PURA: variants seen among roughly 807,000 people sequenced by gnomAD.
PURA encodes the protein transcriptional activator protein Pur-alpha.
In PURA, 2 loss-of-function variants were observed where a neutral mutation model predicts 23.1. The observed-to-expected ratio is 0.09, with a 90% CI of 0.04 to 0.27. PURA has a LOEUF of 0.27. Ranked by LOEUF, PURA falls within the 10% of genes least tolerant of loss-of-function variation. PURA has a pLI of 1.00. For missense variants in PURA, 187 were observed against 449.7 expected, an observed-to-expected ratio of 0.42 and a Z score of 5.28; for synonymous variants, 254 against 205.9, an observed-to-expected ratio of 1.23 and a Z score of -2.00.
rs1409334338 is a variant in PURA, at chr5:140,118,764, G to A, written c.*3614G>A. 1.8e-5 allele frequency: 3 copies of A among 166,944 alleles called. No homozygotes were observed. Among genetic ancestry groups the A allele is most frequent in the Non-Finnish European group, 4.4e-5 (3 of 68,036 alleles). 10.3% of individuals were successfully genotyped at this position (166,944 alleles called of 1,614,324 possible). A position where few individuals can be genotyped will look rare whatever the true frequency, so the allele number is the denominator to read the frequency against. ...AAAACCTTGAAAGTCTCACTTTCTA[G>A]TTGTCCCATGCAGGGGTTGAAATTT... On this transcript the variant is annotated 3_prime_UTR_variant, in exon 1 of 1. Coordinates refer to ENST00000331327, the MANE Select transcript of PURA (RefSeq NM_005859.5).
In PURA at chr5:140,120,202, A is replaced by C. The variant is rs1487888458; in HGVS notation, c.*5052A>C. The stretch of plus-strand genomic sequence containing the variant: ...GAATATCTTCATAATTTGGAGAGAG[A>C]TGTATACACACACATACACATATAT... On this transcript the variant is annotated 3_prime_UTR_variant, in exon 1 of 1. Transcript: ENST00000331327. The C allele has an allele frequency of 1.8e-5, 3 of 166,780 alleles. No individual in the cohort carries two copies. The highest frequency in any genetic ancestry group is 7.2e-5 in the African/African-American group (3 of 41,432). The allele number at this position is 166,780 out of a possible 1,614,324, so 10.3% of individuals were successfully genotyped here.
rs1326548980 is a variant in PURA at position 140,125,561 on chromosome 5, C to A, written c.*10411C>A. The A allele has an allele frequency of 6.0e-6, 1 of 166,980 alleles. No homozygotes were observed. The highest frequency in any genetic ancestry group is 2.4e-5 in the African/African-American group (1 of 41,408). 10.3% of individuals were successfully genotyped at this position (166,980 alleles called of 1,614,324 possible). On this transcript the variant is annotated 3_prime_UTR_variant, in exon 1 of 1. Coordinates refer to ENST00000331327, the MANE Select transcript of PURA (RefSeq NM_005859.5). ...GGGTTAGCCATTATCTTAACCCCTTCCTCACCAAAAGATTTTAGTTTTGTC... is the reference window on the plus strand; with the variant it reads ...GGGTTAGCCATTATCTTAACCCCTTACTCACCAAAAGATTTTAGTTTTGTC...
At position 140,114,170 on chromosome 5, in the gene PURA, G is replaced by T; in HGVS notation, c.-12G>T. 1.4e-6 allele frequency: 1 copy of T among 692,212 alleles called. No individual in the cohort carries two copies. Among genetic ancestry groups the T allele is most frequent in the East Asian group, 4.0e-5 (1 of 25,182 alleles). The allele number at this position is 692,212 out of a possible 1,614,324, so 42.9% of individuals were successfully genotyped here. The stretch of plus-strand genomic sequence containing the variant: ...GGCAGGCGGCGGCGGCGCGGCAGCG[G>T]AGCGCAGCATCATGGCGGACCGAGA... On this transcript the variant is annotated 5_prime_UTR_variant, in exon 1 of 1. Transcript: ENST00000331327.
In PURA at chr5:140,114,886, G is replaced by T. The variant is rs1362659842; in HGVS notation, c.705G>T (p.Val235=). The change falls in exon 1 of 1, where the codon GTG becomes GTT. Residue 235 remains valine (V), a synonymous_variant. Coordinates refer to ENST00000331327, the MANE Select transcript of PURA (RefSeq NM_005859.5). The part of the protein sequence containing the change: ...TVDNKRFFFD[V]GSNKYGVFMR... ...ACAACAAGCGCTTCTTCTTCGATGT[G>T]GGCTCCAACAAGTACGGCGTGTTTA... The T allele has an allele frequency of 1.2e-6, 2 of 1,614,114 alleles. No individual in the cohort carries two copies. The highest frequency in any genetic ancestry group is 4.5e-5 in the East Asian group (2 of 44,898).
At position 140,114,799 on chromosome 5, in the gene PURA, C is replaced by A. The variant is rs372391881; in HGVS notation, c.618C>A (p.Ile206=). 1 of 1,613,886 alleles carries A rather than the reference C, an allele frequency of 6.2e-7. No homozygotes were observed. The highest frequency in any genetic ancestry group is 8.5e-7 in the Non-Finnish European group (1 of 1,179,850). The change falls in exon 1 of 1, where the codon ATC becomes ATA. Residue 206 remains isoleucine, a synonymous_variant. Coordinates refer to ENST00000331327, the MANE Select transcript of PURA (RefSeq NM_005859.5). The part of the protein sequence containing the change: ...IEFRDALAKL[I]DDYGVEEEPA... The stretch of plus-strand genomic sequence containing the variant: ...TCCGTGACGCTCTGGCCAAGCTCAT[C>A]GACGACTACGGAGTGGAGGAGGAGC...
Position 140,118,535 on chromosome 5 carries a change from T to G in PURA, c.*3385T>G, listed in dbSNP as rs1042658979. 6.0e-6 allele frequency: 1 copy of G among 166,990 alleles called. No individual in the cohort carries two copies. The highest frequency in any genetic ancestry group is 1.5e-5 in the Non-Finnish European group (1 of 68,060). 10.3% of individuals were successfully genotyped at this position (166,990 alleles called of 1,614,324 possible). ...GGAGCTAAAGTTAACTAACCAGAAC[T>G]GTAGAAATCATTATACATGCCTTTG... On this transcript the variant is annotated 3_prime_UTR_variant, in exon 1 of 1. Coordinates refer to ENST00000331327, the MANE Select transcript of PURA (RefSeq NM_005859.5).
chr5:140,120,327 A>G lies in PURA; in HGVS notation c.*5177A>G, dbSNP rs1436875307. The G allele has an allele frequency of 1.8e-5, 3 of 166,874 alleles. No individual in the cohort carries two copies. Among genetic ancestry groups the G allele is most frequent in the African/African-American group, 7.2e-5 (3 of 41,448 alleles). The allele number at this position is 166,874 out of a possible 1,614,324, so 10.3% of individuals were successfully genotyped here. A position where few individuals can be genotyped will look rare whatever the true frequency, so the allele number is the denominator to read the frequency against. ...GATAATTTATTGGAATTGCTTACATAGATAAATTCACCAAAGTTATTTGTG... is the reference window on the plus strand; with the variant it reads ...GATAATTTATTGGAATTGCTTACATGGATAAATTCACCAAAGTTATTTGTG... On this transcript the variant is annotated 3_prime_UTR_variant, in exon 1 of 1. Transcript: ENST00000331327.
At position 140,114,281 on chromosome 5, in the gene PURA, G is replaced by A. The variant is rs1763036938; in HGVS notation, c.100G>A (p.Gly34Ser). ...CTCGGGCTCAGGCTCCGGCGGGGGC[G>A]GTGGTGGCGGCGGGGGCGGCGGCGG... ...PGSGSGSGGG[G>S]GGGGGGGGSG... The change falls in exon 1 of 1, where the codon GGT becomes AGT. Residue 34 changes from glycine (G) to serine (S), a missense_variant. By Grantham distance (56) the Gly-to-Ser change is moderately conservative. Transcript: ENST00000331327. 4 of 1,235,404 alleles carry A rather than the reference G, an allele frequency of 3.2e-6. No individual in the cohort carries two copies. Among genetic ancestry groups the A allele is most frequent in the Middle Eastern group, 3.0e-4 (1 of 3,290 alleles). The allele number at this position is 1,235,404 out of a possible 1,614,324, so 76.5% of individuals were successfully genotyped here.
Position 140,123,439 on chromosome 5 carries a change from T to G in PURA, c.*8289T>G, listed in dbSNP as rs2126753112. On this transcript the variant is annotated 3_prime_UTR_variant, in exon 1 of 1. Coordinates refer to ENST00000331327, the MANE Select transcript of PURA (RefSeq NM_005859.5). ...TGCACTATTTATCTTTGCACTTGAT[T>G]TTTTGAAAGTTAAGGCTAGTCACTT... is the stretch of plus-strand genomic sequence containing the variant. The G allele has an allele frequency of 6.0e-6, 1 of 167,136 alleles. No homozygotes were observed. The highest frequency in any genetic ancestry group is 2.1e-4 in the South Asian group (1 of 4,828). The allele number at this position is 167,136 out of a possible 1,614,324, so 10.4% of individuals were successfully genotyped here.
rs777445986 is a variant in PURA at position 140,122,031 on chromosome 5, A to G, written c.*6881A>G. ...GTTGATCTTCACTAAGGAAGTTTCAATAAAGCCAGAGAAAATGGGTCCCTC... is the reference window on the plus strand; with the variant it reads ...GTTGATCTTCACTAAGGAAGTTTCAGTAAAGCCAGAGAAAATGGGTCCCTC... On this transcript the variant is annotated 3_prime_UTR_variant, in exon 1 of 1. Coordinates refer to ENST00000331327, the MANE Select transcript of PURA (RefSeq NM_005859.5). 2.4e-5 allele frequency: 4 copies of G among 166,864 alleles called. No homozygotes were observed. The highest frequency in any genetic ancestry group is 5.9e-5 in the Non-Finnish European group (4 of 68,014). 10.3% of individuals were successfully genotyped at this position (166,864 alleles called of 1,614,324 possible).
rs192403370 is a variant in PURA, at chr5:140,116,576, T to C, written c.*1426T>C. On this transcript the variant is annotated 3_prime_UTR_variant, in exon 1 of 1. Transcript: ENST00000331327. ...AAATGCAAAGTTTAGGAGAGCACTT[T>C]ACCAAGCTGGTGTCCTCCAAACTGA... 6.1e-6 allele frequency: 1 copy of C among 163,680 alleles called. No individual in the cohort carries two copies. Among genetic ancestry groups the C allele is most frequent in the East Asian group, 1.9e-4 (1 of 5,194 alleles). The allele number at this position is 163,680 out of a possible 1,614,324, so 10.1% of individuals were successfully genotyped here. A position where few individuals can be genotyped will look rare whatever the true frequency, so the allele number is the denominator to read the frequency against.
rs1176037840 is a variant in PURA at position 140,120,031 on chromosome 5, C to A, written c.*4881C>A. 1 of 166,602 alleles carries A rather than the reference C, an allele frequency of 6.0e-6. No individual in the cohort carries two copies. The highest frequency in any genetic ancestry group is 1.5e-5 in the Non-Finnish European group (1 of 67,894). 10.3% of individuals were successfully genotyped at this position (166,602 alleles called of 1,614,324 possible). A position where few individuals can be genotyped will look rare whatever the true frequency, so the allele number is the denominator to read the frequency against. ...GATACCAAGTCTAATGACTTTTTTC[C>A]CTTTTTAAAATCTTTTGAGTATCAG... On this transcript the variant is annotated 3_prime_UTR_variant, in exon 1 of 1. Coordinates refer to ENST00000331327, the MANE Select transcript of PURA (RefSeq NM_005859.5).
Position 140,115,216 on chromosome 5 carries a change from G to A in PURA, c.*66G>A. 3.2e-5 allele frequency: 26 copies of A among 813,506 alleles called. No individual in the cohort carries two copies. The highest frequency in any genetic ancestry group is 3.5e-4 in the Middle Eastern group (1 of 2,894). 50.4% of individuals were successfully genotyped at this position (813,506 alleles called of 1,614,324 possible). On this transcript the variant is annotated 3_prime_UTR_variant, in exon 1 of 1. Transcript: ENST00000331327. The surrounding 1 kb of genome is among the most constrained non-coding windows in gnomAD (Gnocchi z 4.1). ...ACACACACACACAGCCACACACACA[G>A]AAAATATACTGTAAAGAAAGAGAGA...
In PURA at chr5:140,114,249, A is replaced by T; in HGVS notation, c.68A>T (p.His23Leu). 9 of 1,184,026 alleles carry T rather than the reference A, an allele frequency of 7.6e-6. No individual in the cohort carries two copies. Among genetic ancestry groups the T allele is most frequent in the Non-Finnish European group, 9.3e-6 (9 of 963,712 alleles). The allele number at this position is 1,184,026 out of a possible 1,614,324, so 73.3% of individuals were successfully genotyped here. Residue 23 changes from histidine to leucine, a missense_variant, in exon 1 of 1, where the codon CAC (histidine) becomes CTC (leucine). Around this residue, in one of 9 missense-constraint regions of PURA, gnomAD observed 33 missense variants for 30.4 expected, o/e 1.08. Transcript: ENST00000331327. ...CTGGGTTCGGGCGGCTCCCTGGGGC[A>T]CCCCGGCTCGGGCTCAGGCTCCGGC... Reference protein sequence around the residue: ...AALGSGGSLGHPGSGSGSGGG... With the variant: ...AALGSGGSLGLPGSGSGSGGG...
In PURA at chr5:140,125,319, T is replaced by C. The variant is rs1763200382; in HGVS notation, c.*10169T>C. 1 of 167,002 alleles carries C rather than the reference T, an allele frequency of 6.0e-6. No individual in the cohort carries two copies. The highest frequency in any genetic ancestry group is 1.5e-5 in the Non-Finnish European group (1 of 68,096). The allele number at this position is 167,002 out of a possible 1,614,324, so 10.3% of individuals were successfully genotyped here. ...CTTTCATATTGGAATTATTGTTAGATGGTGGCCCCTACTAGCAAAATGTGA... is the reference window on the plus strand; with the variant it reads ...CTTTCATATTGGAATTATTGTTAGACGGTGGCCCCTACTAGCAAAATGTGA... On this transcript the variant is annotated 3_prime_UTR_variant, in exon 1 of 1. Transcript: ENST00000331327.
In PURA at chr5:140,115,099, C is replaced by G. The variant is rs887978824; in HGVS notation, c.918C>G (p.Thr306=). 1.9e-6 allele frequency: 3 copies of G among 1,609,132 alleles called. No individual in the cohort carries two copies. In the African/African-American group the frequency reaches 4.0e-5, roughly 22 times the overall value. Residue 306 remains threonine, a synonymous_variant, in exon 1 of 1, where the codon ACC becomes ACG. Coordinates refer to ENST00000331327, the MANE Select transcript of PURA (RefSeq NM_005859.5). This position sits in a 1 kb window ranked among gnomAD's most constrained non-coding sequence, Gnocchi z 4.1. Reference sequence around the variant, plus strand: ...AGCAACAGCAGCAGCAGGAGGAGACCGCCGCTGCCACCCTGCTACTGCAGG... The same window carrying G: ...AGCAACAGCAGCAGCAGGAGGAGACGGCCGCTGCCACCCTGCTACTGCAGG... ...HQQQQQQQEE[T]AAATLLLQGE...
Position 140,116,159 on chromosome 5 carries a change from G to A in PURA, c.*1009G>A, listed in dbSNP as rs1266321117. The A allele has an allele frequency of 6.0e-6, 1 of 166,990 alleles. No individual in the cohort carries two copies. Among genetic ancestry groups the A allele is most frequent in the African/African-American group, 2.4e-5 (1 of 41,432 alleles). 10.3% of individuals were successfully genotyped at this position (166,990 alleles called of 1,614,324 possible). ...GTTCATAATATATTTTTTTTATTAT[G>A]TGTAGAAAGATTTTAAAAAACTAAC... is the stretch of plus-strand genomic sequence containing the variant. On this transcript the variant is annotated 3_prime_UTR_variant, in exon 1 of 1. Coordinates refer to ENST00000331327, the MANE Select transcript of PURA (RefSeq NM_005859.5).
chr5:140,115,204 G>A lies in PURA; in HGVS notation c.*54G>A. 1.1e-6 allele frequency: 1 copy of A among 917,208 alleles called. No homozygotes were observed. The highest frequency in any genetic ancestry group is 1.6e-6 in the Non-Finnish European group (1 of 632,244). 56.8% of individuals were successfully genotyped at this position (917,208 alleles called of 1,614,324 possible). ...ACACATGCATACACACACACACACA[G>A]CCACACACACAGAAAATATACTGTA... On this transcript the variant is annotated 3_prime_UTR_variant, in exon 1 of 1. Transcript: ENST00000331327. This position sits in a 1 kb window ranked among gnomAD's most constrained non-coding sequence, Gnocchi z 4.1.
At position 140,120,468 on chromosome 5, in the gene PURA, A is replaced by G. The variant is rs868087659; in HGVS notation, c.*5318A>G. ...CTATAAAACTAAAGTGATCACTGCTATTCACGAATTATTATAGAATCTTCT... is the reference window on the plus strand; with the variant it reads ...CTATAAAACTAAAGTGATCACTGCTGTTCACGAATTATTATAGAATCTTCT... On this transcript the variant is annotated 3_prime_UTR_variant, in exon 1 of 1. Coordinates refer to ENST00000331327, the MANE Select transcript of PURA (RefSeq NM_005859.5). 1 of 166,768 alleles carries G rather than the reference A, an allele frequency of 6.0e-6. No individual in the cohort carries two copies. The highest frequency in any genetic ancestry group is 2.4e-5 in the African/African-American group (1 of 41,438). 10.3% of individuals were successfully genotyped at this position (166,768 alleles called of 1,614,324 possible). A position where few individuals can be genotyped will look rare whatever the true frequency, so the allele number is the denominator to read the frequency against.
Sources: gnomAD v4.1 joint callset for allele counts on GRCh38, gnomAD v4.1.1 for gene constraint, gnomAD v4.1.1 regional missense constraint, Gnocchi (gnomAD v3.1) non-coding constraint, MANE v1.5 for transcripts, NCBI Gene and HGNC (gene_info 2026-07-23, HGNC 2026-07-21) for gene names.